Variants in WDPCP observed in about 807,000 individuals in gnomAD.
WDPCP encodes the protein WD repeat containing planar cell polarity effector.
A neutral mutation model predicts 93.1 loss-of-function variants in WDPCP; 71 were observed. The ratio of observed to expected loss-of-function variants is 0.76; its 90% CI spans 0.63 to 0.93. WDPCP has a LOEUF of 0.93. Among genes scored for constraint, WDPCP ranks in the 40% least tolerant of loss-of-function variants. The pLI, the probability that WDPCP is intolerant of heterozygous loss-of-function variation, is 0.00. For missense variants in WDPCP, 844 were observed against 887.4 expected, an observed-to-expected ratio of 0.95 and a Z score of 0.62; for synonymous variants, 315 against 315.0, an observed-to-expected ratio of 1.00 and a Z score of 0.00.
intron 12 of WDPCP, among the ~76,000 whole-genome samples, chr2:63,341,421 G>A (rs1023838612): frequency 3.3e-5 from 5 of 152,202 alleles, no homozygotes; most frequent in African/African-American, 9.6e-5. Flanking sequence ...GAGCCACCAC[G>A]CCCAGCCCCA....
chr2:63,695,290 T>A (rs1668948581), intron 2 of WDPCP, among the ~76,000 whole-genome samples: 1 of 152,228 alleles, frequency 6.6e-6, no homozygotes, highest in South Asian at 2.1e-4. Flanking sequence ...TACATATGCT[T>A]CATATATATA....
rs1017916196 is a variant in WDPCP at position 63,708,592 on chromosome 2, C to T, written n.309-57754G>A. Among the ~76,000 whole-genome samples the T allele has an allele frequency of 4.6e-5, 7 of 152,256 alleles. No individual in the cohort carries two copies. In the East Asian group the frequency reaches 9.8e-4, roughly 21 times the overall value. ...GCGCTTCCCGGGTGAGGCGATGCCT[C>T]GCCCTGCTTTGGGTCATGCACGGTG... On this transcript the variant is annotated intron_variant and non_coding_transcript_variant, in intron 2 of 4. Coordinates refer to the WDPCP transcript ENST00000467687.
chr2:63,720,032 C>T (rs1669392155), intron 2 of WDPCP, among the ~76,000 whole-genome samples: 1 of 152,066 alleles, frequency 6.6e-6, no homozygotes, highest in African/African-American at 2.4e-5. Flanking sequence ...CCTTTTTCTT[C>T]TTTTTGGTAT....
At chr2:63,626,263 A>T (rs181301222) in intron 3 of WDPCP, among the ~76,000 whole-genome samples, 1 of 152,268 alleles carries the variant, frequency 6.6e-6, no homozygotes, top group Non-Finnish European at 1.5e-5. Flanking sequence ...AATATCATTC[A>T]GGACATAGGC....
chr2:63,499,866 C>T lies in WDPCP; in HGVS notation c.76-6926G>A, dbSNP rs182080923. ...TGGGTACCAGTGCATTCCATCTGTT[C>T]ACAATGACTGCCTCAACTACTGAAC... On this transcript the variant is annotated intron_variant, in intron 1 of 17. Coordinates refer to ENST00000272321, the MANE Select transcript of WDPCP (RefSeq NM_015910.7). Among the ~76,000 whole-genome samples, 155 of 152,324 alleles carry T rather than the reference C, an allele frequency of 1.0e-3. No individual in the cohort carries two copies. In the Middle Eastern group the frequency reaches 0.017, roughly 17 times the overall value.
chr2:63,710,722 G>C (rs887292024), intron 2 of WDPCP, among the ~76,000 whole-genome samples: 1 of 152,258 alleles, frequency 6.6e-6, no homozygotes, highest in Non-Finnish European at 1.5e-5. Context: ...AGGAGCACCT[G>C]TTGGGCTGAA....
At chr2:63,160,571 G>A (rs767923232) in intron 15 of WDPCP, among the ~76,000 whole-genome samples, 3 of 152,104 alleles carry the variant, frequency 2.0e-5, no homozygotes, top group Non-Finnish European at 4.4e-5. Flanking sequence ...GGGGGTTGCT[G>A]GGTTAATTTA....
chr2:63,808,658 G>C (rs1216070503), intron 2 of WDPCP, among the ~76,000 whole-genome samples: 1 of 152,218 alleles, frequency 6.6e-6, no homozygotes, highest in Non-Finnish European at 1.5e-5. Context: ...ATGGTGCCCA[G>C]GCTGGAGTGC....
intron 6 of WDPCP, among the ~76,000 whole-genome samples, chr2:63,478,223 C>T (rs187759053): frequency 2.0e-5 from 3 of 152,110 alleles, no homozygotes; most frequent in Admixed American, 2.0e-4. Context: ...ATTAGATAGA[C>T]AGCAACACAG....
intron 2 of WDPCP, among the ~76,000 whole-genome samples, chr2:63,718,901 A>G (rs1287615306): frequency 6.6e-6 from 1 of 152,260 alleles, no homozygotes; most frequent in African/African-American, 2.4e-5. Context: ...TTTTTAAAAA[A>G]CAATTAATAT....
At chr2:63,805,215 G>T (rs1553457087) in intron 2 of WDPCP, among the ~76,000 whole-genome samples, 2 of 152,080 alleles carry the variant, frequency 1.3e-5, no homozygotes, top group South Asian at 2.1e-4. Flanking sequence ...TAAGCATATT[G>T]CTTTCTACTG....
chr2:63,247,139 T>G (rs1466694386), intron 14 of WDPCP, among the ~76,000 whole-genome samples: 3 of 152,186 alleles, frequency 2.0e-5, no homozygotes, highest in African/African-American at 7.2e-5. Context: ...TTCTTATCCC[T>G]AGATGACCCA....
At chr2:63,778,820 T>C (rs1670344876) in intron 2 of WDPCP, among the ~76,000 whole-genome samples, 1 of 152,210 alleles carries the variant, frequency 6.6e-6, no homozygotes, top group East Asian at 1.9e-4. Flanking sequence ...CTATATAATA[T>C]TGCCAGTCCG....
Position 63,313,305 on chromosome 2 carries a change from C to G in WDPCP, c.1755G>C (p.Gln585His), listed in dbSNP as rs1345982636. 1 of 1,613,446 alleles carries G rather than the reference C, an allele frequency of 6.2e-7. No individual in the cohort carries two copies. Among genetic ancestry groups the G allele is most frequent in the South Asian group, 1.1e-5 (1 of 91,048 alleles). The change falls in exon 13 of 18, where the codon CAG (glutamine) becomes CAC (histidine). Residue 585 changes from glutamine to histidine, a missense_variant. Gln to His is a conservative substitution (Grantham distance 24). Coordinates refer to ENST00000272321, the MANE Select transcript of WDPCP (RefSeq NM_015910.7). ...RRFFHHLLRY[Q>H]RFEKAFLLAV... ...CTAGGAGAAATGCCTTTTCAAACCT[C>G]TGGTACCTACAAGGCAGAAAAAAAT...
At chr2:63,318,133 TA>T (rs564918333) in intron 12 of WDPCP, among the ~76,000 whole-genome samples, 83 of 152,168 alleles carry the variant, frequency 5.5e-4, no homozygotes, top group African/African-American at 1.9e-3. Context: ...CTTCTCAAAG[TA>T]AGACACTCAG....
chr2:63,385,663 CAATATTGT>C (rs1277978444), intron 10 of WDPCP, among the ~76,000 whole-genome samples: 2 of 151,932 alleles, frequency 1.3e-5, no homozygotes, highest in African/African-American at 4.8e-5. Context: ...TTAGGAGACT[CAATATTGT>C]TAAGAATCAT....
intron 2 of WDPCP, among the ~76,000 whole-genome samples, chr2:63,761,819 C>T (rs946429232): frequency 6.6e-6 from 1 of 152,170 alleles, no homozygotes; most frequent in African/African-American, 2.4e-5. Flanking sequence ...AGGATCAATA[C>T]TTTGTATCCT....
chr2:63,739,537 G>T (rs1669686088), intron 2 of WDPCP, among the ~76,000 whole-genome samples: 1 of 152,090 alleles, frequency 6.6e-6, no homozygotes, highest in Non-Finnish European at 1.5e-5. Context: ...CTCTGGGTAT[G>T]TACCCAGTAA....
intron 1 of WDPCP, among the ~76,000 whole-genome samples, chr2:63,578,949 C>T (rs1708298665): frequency 6.6e-6 from 1 of 152,094 alleles, no homozygotes. Flanking sequence ...TTTGGCTTTC[C>T]CTGGGTTCCC....
Sources: allele counts gnomAD v4.1 joint callset (sites outside exome capture counted in the v4.1 genomes callset), GRCh38; gene constraint gnomAD v4.1.1; transcripts MANE v1.5; gene names NCBI Gene and HGNC (gene_info 2026-07-23, HGNC 2026-07-21).